LMOD1: variants seen among roughly 807,000 people sequenced by gnomAD.
LMOD1 encodes leiomodin-1.
A neutral mutation model predicts 36.5 loss-of-function variants in LMOD1; 8 were observed. The observed-to-expected ratio is 0.22, with a 90% CI of 0.13 to 0.40. The LOEUF (loss-of-function observed/expected upper bound fraction) is 0.40. Ranked by LOEUF, LMOD1 falls within the 10% of genes least tolerant of loss-of-function variation. The pLI is 1.00. For missense variants in LMOD1, 630 were observed against 751.1 expected, an observed-to-expected ratio of 0.84 and a Z score of 1.88; for synonymous variants, 284 against 288.7, an observed-to-expected ratio of 0.98 and a Z score of 0.17.
rs190424943 is a variant in LMOD1, at chr1:201,929,939, G to A, written c.261+16141C>T. ...GGAGCACACAACTTAGGCTGGGGGG[G>A]TCCGGAAAGCCTCTAGAGAAAGTGT... On this transcript the variant is annotated intron_variant, in intron 1 of 2. Coordinates refer to ENST00000367288, the MANE Select transcript of LMOD1 (RefSeq NM_012134.3). Among the ~76,000 whole-genome samples, 153 of 152,194 alleles carry A rather than the reference G, an allele frequency of 1.0e-3. 2 individuals carry two copies. The highest frequency in any genetic ancestry group is 4.7e-4 in the Non-Finnish European group (32 of 68,038).
chr1:201,929,375 C>T (rs1681881521), intron 1 of LMOD1, among the ~76,000 whole-genome samples: 1 of 152,056 alleles, frequency 6.6e-6, no homozygotes, highest in African/African-American at 2.4e-5. Flanking sequence ...AGCCACCACG[C>T]CTGGCAAGTG....
chr1:201,940,727 G>A (rs1682100237), intron 1 of LMOD1, among the ~76,000 whole-genome samples: 2 of 149,414 alleles, frequency 1.3e-5, no homozygotes, highest in South Asian at 2.1e-4. Context: ...TGGACTACAG[G>A]CATGCACCAC....
rs940951098 is a variant in LMOD1 at position 201,896,818 on chromosome 1, T to A, written c.*1554A>T. On this transcript the variant is annotated 3_prime_UTR_variant, in exon 3 of 3. Transcript: ENST00000367288. Reference sequence around the variant, plus strand: ...AGAGTGTACCCTGGGATCTGAGGGCTTTACCCCCAGGACTAGACTGCCCTC... The same window carrying A: ...AGAGTGTACCCTGGGATCTGAGGGCATTACCCCCAGGACTAGACTGCCCTC... 2.8e-5 allele frequency: 12 copies of A among 434,140 alleles called. No individual in the cohort carries two copies. In the East Asian group the frequency reaches 7.8e-4, roughly 28 times the overall value. The allele number at this position is 434,140 out of a possible 1,614,324, so 26.9% of individuals were successfully genotyped here. A position where few individuals can be genotyped will look rare whatever the true frequency, so the allele number is the denominator to read the frequency against.
In LMOD1 at chr1:201,920,224, T is replaced by C. The variant is rs537128976; in HGVS notation, c.262-19473A>G. ...ACAGGCACCCACCACCACGCCTGGT[T>C]AATTTTTGTATTTTTAGCAGAGACA... is the stretch of plus-strand genomic sequence containing the variant. On this transcript the variant is annotated intron_variant, in intron 1 of 2. Coordinates refer to ENST00000367288, the MANE Select transcript of LMOD1 (RefSeq NM_012134.3). 1.2e-3 allele frequency among the ~76,000 whole-genome samples: 179 copies of C among 151,890 alleles called. 1 individual carries two copies. Among genetic ancestry groups the C allele is most frequent in the African/African-American group, 4.2e-3 (175 of 41,400 alleles).
intron 1 of LMOD1, among the ~76,000 whole-genome samples, chr1:201,910,274 A>AT (rs4025032): frequency 0.015 from 2,002 of 135,944 alleles, 35 homozygotes; most frequent in African/African-American, 0.04. Flanking sequence ...TCCTATACGC[A>AT]TTTTTTTTTT....
chr1:201,901,502 C>CAAA (rs533788169), intron 1 of LMOD1, among the ~76,000 whole-genome samples: 17 of 73,648 alleles, frequency 2.3e-4, no homozygotes, highest in African/African-American at 7.2e-4. Flanking sequence ...AACTCTGTCT[C>CAAA]AAAAAAAAAA....
At chr1:201,916,218 G>C (rs1458846618) in intron 1 of LMOD1, among the ~76,000 whole-genome samples, 1 of 152,082 alleles carries the variant, frequency 6.6e-6, no homozygotes, top group Non-Finnish European at 1.5e-5. Context: ...CACCTGGCTT[G>C]AACTACTTTT....
intron 1 of LMOD1, among the ~76,000 whole-genome samples, chr1:201,918,425 G>A (rs1681644796): frequency 6.6e-6 from 1 of 152,192 alleles, no homozygotes; most frequent in Non-Finnish European, 1.5e-5. Flanking sequence ...CTTTCAGGAT[G>A]AAGTGCAGAC....
chr1:201,901,574 A>G (rs1681314327), intron 1 of LMOD1, among the ~76,000 whole-genome samples: 2 of 34,412 alleles, frequency 5.8e-5, no homozygotes, highest in Admixed American at 4.7e-4. Flanking sequence ...GTATATATAT[A>G]TATATATATA....
At chr1:201,917,670 T>C (rs947621165) in intron 1 of LMOD1, among the ~76,000 whole-genome samples, 13 of 152,218 alleles carry the variant, frequency 8.5e-5, no homozygotes, top group African/African-American at 3.1e-4. Context: ...CTCTGCTCTC[T>C]GAAGTGCCTG....
rs140655985 is a variant in LMOD1 at position 201,929,248 on chromosome 1, G to A, written c.261+16832C>T. 4.0e-3 allele frequency among the ~76,000 whole-genome samples: 608 copies of A among 151,966 alleles called. 1 individual carries two copies. Among genetic ancestry groups the A allele is most frequent in the African/African-American group, 0.014 (575 of 41,426 alleles). On this transcript the variant is annotated intron_variant, in intron 1 of 2. Coordinates refer to ENST00000367288, the MANE Select transcript of LMOD1 (RefSeq NM_012134.3). The stretch of plus-strand genomic sequence containing the variant: ...CTCCCAAGTAACTGGGATTACAGGC[G>A]TCCACCACCACGCCCAGCTAATTTT...
chr1:201,901,609 TAC>T (rs1170327813), intron 1 of LMOD1, among the ~76,000 whole-genome samples: 689 of 39,162 alleles, frequency 0.018, 76 homozygotes, highest in African/African-American at 0.065. Context: ...TATATATATA[TAC>T]ACATATATAT....
intron 1 of LMOD1, among the ~76,000 whole-genome samples, chr1:201,932,783 T>G (rs1681947553): frequency 6.6e-6 from 1 of 152,208 alleles, no homozygotes; most frequent in South Asian, 2.1e-4. Flanking sequence ...TGACTATCAC[T>G]TAACTTAGTG....
rs753725169 is a variant in LMOD1 at position 201,899,254 on chromosome 1, G to T, written c.1759C>A (p.Leu587Ile). Residue 587 changes from leucine (L) to isoleucine (I), a missense_variant, in exon 2 of 3, where the codon CTC (leucine) becomes ATC (isoleucine). Leu to Ile is a conservative substitution (Grantham distance 5, BLOSUM62 2). Around this residue, in one of 3 missense-constraint regions of LMOD1, gnomAD observed 144 missense variants for 169.8 expected, o/e 0.85. Transcript: ENST00000367288. This position sits in a 1 kb window ranked among gnomAD's most constrained non-coding sequence, Gnocchi z 6.3. ...CTACTTAACTTCTTGAGCTGCTTGA[G>T]GTTGCTGGAGCGGATGGCAGCCAAT... ...QLLAAIRSSN[L>I]KQLKKVEVPK... The T allele has an allele frequency of 4.1e-5, 65 of 1,595,778 alleles. No individual in the cohort carries two copies. In the East Asian group the frequency reaches 1.5e-3, roughly 36 times the overall value.
At chr1:201,930,546 GT>G (rs1681899167) in intron 1 of LMOD1, among the ~76,000 whole-genome samples, 1 of 152,138 alleles carries the variant, frequency 6.6e-6, no homozygotes, top group Admixed American at 6.5e-5. Context: ...GGAAAAACAG[GT>G]TTAGGGGTGG....
At chr1:201,901,535 TATATATATATATATATAC>T (rs1681305942) in intron 1 of LMOD1, among the ~76,000 whole-genome samples, 1 of 32,962 alleles carries the variant, frequency 3.0e-5, no homozygotes, top group Non-Finnish European at 4.7e-5. Context: ...TATATGTATA[TATATATATATATATATAC>T]ATATATATAT....
chr1:201,924,549 CAAGG>C (rs1327004685), intron 1 of LMOD1, among the ~76,000 whole-genome samples: 2 of 35,664 alleles, frequency 5.6e-5, no homozygotes, highest in African/African-American at 1.2e-4. Context: ...AGGAAGGAAG[CAAGG>C]AAGGAGGGAG....
Position 201,898,217 on chromosome 1 carries a change from T to G in LMOD1, c.*155A>C. On this transcript the variant is annotated 3_prime_UTR_variant, in exon 3 of 3. Transcript: ENST00000367288. ...GAAAGTGAGAAGAGATAAGGCATCC[T>G]TCCTTGAGCGTGACCCAGGCCTGGA... The G allele has an allele frequency of 2.7e-6, 2 of 745,888 alleles. No homozygotes were observed. The highest frequency in any genetic ancestry group is 4.6e-6 in the Non-Finnish European group (2 of 433,500). 46.2% of individuals were successfully genotyped at this position (745,888 alleles called of 1,614,324 possible).
At chr1:201,926,603 A>T (rs1180383347) in intron 1 of LMOD1, among the ~76,000 whole-genome samples, 1 of 152,258 alleles carries the variant, frequency 6.6e-6, no homozygotes, top group Non-Finnish European at 1.5e-5. Context: ...AAAAGCAATT[A>T]TAATATGATA....
Sources: gnomAD v4.1 joint callset for allele counts (sites outside exome capture counted in the v4.1 genomes callset) on GRCh38, gnomAD v4.1.1 for gene constraint, gnomAD v4.1.1 regional missense constraint, Gnocchi (gnomAD v3.1) non-coding constraint, MANE v1.5 for transcripts, NCBI Gene and HGNC (gene_info 2026-07-23, HGNC 2026-07-21) for gene names.